Variants in TNFRSF13B observed in about 807,000 individuals in gnomAD.
TNFRSF13B encodes the protein TNF receptor superfamily member 13B.
Under a neutral mutation model 24.0 loss-of-function variants are expected in TNFRSF13B, and 34 were observed. That is an observed-to-expected ratio of 1.41 (90% confidence interval 1.08 to 1.88). The LOEUF (loss-of-function observed/expected upper bound fraction) is 1.88. Ranked by LOEUF, TNFRSF13B falls within the 40% of genes most tolerant of loss-of-function variation. The pLI is 0.00. For synonymous variants in TNFRSF13B, 173 were observed against 150.3 expected, an observed-to-expected ratio of 1.15 and a Z score of -1.10; for missense variants, 415 against 380.8, an observed-to-expected ratio of 1.09 and a Z score of -0.75.
chr17:16,941,580 C>T (rs974649021), intron 3 of TNFRSF13B: 49 of 987,364 alleles, frequency 5.0e-5, no homozygotes, highest in Non-Finnish European at 5.8e-5. Flanking sequence ...TTCATCTTCC[C>T]GCTCTGATGG....
chr17:16,968,343 G>T (rs79069210), intron 1 of TNFRSF13B, among the ~76,000 whole-genome samples: 2 of 152,258 alleles, frequency 1.3e-5, no homozygotes, highest in Non-Finnish European at 2.9e-5. Flanking sequence ...ATTAAGATAG[G>T]GTGGTACTGG....
chr17:16,967,750 T>TTAAAAAA (rs1567657162), intron 1 of TNFRSF13B, among the ~76,000 whole-genome samples: 262 of 19,358 alleles, frequency 0.014, 8 homozygotes, highest in African/African-American at 0.067. Flanking sequence ...AGACTCCGTC[T>TTAAAAAA]CAAAAAAAAA....
At chr17:16,939,871 C>T (rs1597656533) in intron 4 of TNFRSF13B, 74 bp from the exon 5 acceptor site, 14 of 1,496,114 alleles carry the variant, frequency 9.4e-6, no homozygotes, top group East Asian at 2.4e-5. Flanking sequence ...TGTGGGCAGC[C>T]GCACTCTCCC....
At position 16,941,715 on chromosome 17, in the gene TNFRSF13B, G is replaced by A. The variant is rs532377491; in HGVS notation, c.446-1204C>T. On this transcript the variant is annotated intron_variant, in intron 3 of 4. Transcript: ENST00000261652. Reference sequence around the variant, plus strand: ...TGCAGCAATGGCAACTGTCTAATTGGAGACAATTTTTATCACCAAACAGAA... The same window carrying A: ...TGCAGCAATGGCAACTGTCTAATTGAAGACAATTTTTATCACCAAACAGAA... Among the ~76,000 whole-genome samples the A allele has an allele frequency of 2.0e-5, 3 of 152,292 alleles. No homozygotes were observed. The East Asian group carries it at 5.8e-4, about 29-fold the overall frequency.
At chr17:16,944,393 G>T (rs1407281206) in intron 3 of TNFRSF13B, among the ~76,000 whole-genome samples, 1 of 152,160 alleles carries the variant, frequency 6.6e-6, no homozygotes, top group East Asian at 1.9e-4. Context: ...CCTCACAGCA[G>T]CTCTATGAAG....
At position 16,952,444 on chromosome 17, in the gene TNFRSF13B, A is replaced by C. The variant is rs763002365; in HGVS notation, c.199+2T>G. The C allele has an allele frequency of 6.2e-7, 1 of 1,614,058 alleles. No individual in the cohort carries two copies. Among genetic ancestry groups the C allele is most frequent in the South Asian group, 1.1e-5 (1 of 91,076 alleles). ...CCCCTCGGCTCAGGCCCCAGAACTC[A>C]CTGCAGAAGGCTGCACAGGTGCGCT... On this transcript the variant is annotated splice_donor_variant, in intron 2 of 4. Coordinates refer to ENST00000261652, the MANE Select transcript of TNFRSF13B (RefSeq NM_012452.3). LOFTEE classifies it high-confidence loss of function.
At chr17:16,956,808 C>A (rs975391444) in intron 1 of TNFRSF13B, among the ~76,000 whole-genome samples, 2 of 152,114 alleles carry the variant, frequency 1.3e-5, no homozygotes, top group Non-Finnish European at 2.9e-5. Flanking sequence ...CTGGAAAAGT[C>A]AAAAACTATG....
At chr17:16,945,429 G>A (rs971231301) in intron 3 of TNFRSF13B, among the ~76,000 whole-genome samples, 2 of 152,210 alleles carry the variant, frequency 1.3e-5, no homozygotes, top group Non-Finnish European at 2.9e-5. Context: ...GACAAACTTT[G>A]GAACCCCCAG....
intron 1 of TNFRSF13B, among the ~76,000 whole-genome samples, chr17:16,955,980 G>A (rs1405291741): frequency 6.6e-6 from 1 of 152,228 alleles, no homozygotes; most frequent in Non-Finnish European, 1.5e-5. Context: ...GGCTACCTGT[G>A]ACCACTGAGG....
chr17:16,964,197 T>A (rs1195036772), intron 1 of TNFRSF13B, among the ~76,000 whole-genome samples: 1 of 151,936 alleles, frequency 6.6e-6, no homozygotes, highest in Non-Finnish European at 1.5e-5. Flanking sequence ...TGGCTTTTGG[T>A]TTCTGTGAGC....
chr17:16,963,809 C>T (rs1232021468), intron 1 of TNFRSF13B, among the ~76,000 whole-genome samples: 1 of 152,188 alleles, frequency 6.6e-6, no homozygotes. Context: ...CTCGGCCTCC[C>T]AAAGTGCTGG....
At chr17:16,960,849 A>G (rs566663879) in intron 1 of TNFRSF13B, among the ~76,000 whole-genome samples, 42 of 152,340 alleles carry the variant, frequency 2.8e-4, no homozygotes, top group African/African-American at 1.0e-3. Flanking sequence ...TTCAAATCAT[A>G]TACCTAATAT....
intron 2 of TNFRSF13B, among the ~76,000 whole-genome samples, chr17:16,950,677 G>C (rs1400443075): frequency 6.6e-6 from 1 of 151,942 alleles, no homozygotes; most frequent in Non-Finnish European, 1.5e-5. Context: ...CCTGTTGCAG[G>C]TGGTGCTGTT....
At chr17:16,954,025 A>G (rs937835550) in intron 1 of TNFRSF13B, among the ~76,000 whole-genome samples, 4 of 152,184 alleles carry the variant, frequency 2.6e-5, no homozygotes, top group African/African-American at 9.7e-5. Flanking sequence ...TCGGCCTCCC[A>G]AAGTGCTGGG....
chr17:16,944,826 A>T (rs1297500914), intron 3 of TNFRSF13B, among the ~76,000 whole-genome samples: 1 of 152,108 alleles, frequency 6.6e-6, no homozygotes, highest in East Asian at 1.9e-4. Flanking sequence ...GGAGACAGGG[A>T]ACGGCAGAAT....
Position 16,950,158 on chromosome 17 carries a change from C to A in TNFRSF13B, c.200-1175G>T, listed in dbSNP as rs544502260. Among the ~76,000 whole-genome samples, 129 of 152,094 alleles carry A rather than the reference C, an allele frequency of 8.5e-4. 1 individual carries two copies. The highest frequency in any genetic ancestry group is 3.0e-3 in the African/African-American group (126 of 41,468). On this transcript the variant is annotated intron_variant, in intron 2 of 4. Coordinates refer to ENST00000261652, the MANE Select transcript of TNFRSF13B (RefSeq NM_012452.3). ...GTGGCTCACACATATATTTTAAGGA[C>A]ACATTTTGGAGACAGTGCAGGATAG... is the stretch of plus-strand genomic sequence containing the variant.
rs569139083 is a variant in TNFRSF13B at position 16,956,288 on chromosome 17, A to G, written c.62-3705T>C. Among the ~76,000 whole-genome samples, 10 of 152,366 alleles carry G rather than the reference A, an allele frequency of 6.6e-5. No individual in the cohort carries two copies. In the East Asian group the frequency reaches 1.3e-3, roughly 21 times the overall value. On this transcript the variant is annotated intron_variant, in intron 1 of 4. Coordinates refer to ENST00000261652, the MANE Select transcript of TNFRSF13B (RefSeq NM_012452.3). ...AACAGGCAAGTTTCAGCAATCCTTGAGGAGTGGTAAGGTTAGATTTCCAGT... is the reference window on the plus strand; with the variant it reads ...AACAGGCAAGTTTCAGCAATCCTTGGGGAGTGGTAAGGTTAGATTTCCAGT...
rs368300990 is a variant in TNFRSF13B at position 16,940,283 on chromosome 17, C to G, written c.631+43G>C. ...CGAGGGATGGCCCGAGGCTTGTCAC[C>G]CAAGCAGCGAGAAGGGCGAGGACCC... On this transcript the variant is annotated intron_variant, in intron 4 of 4. Transcript: ENST00000261652. 8 of 1,611,700 alleles carry G rather than the reference C, an allele frequency of 5.0e-6. No homozygotes were observed. The African/African-American group carries it at 1.1e-4, about 22-fold the overall frequency.
At chr17:16,959,252 G>A (rs2087645400) in intron 1 of TNFRSF13B, among the ~76,000 whole-genome samples, 1 of 151,550 alleles carries the variant, frequency 6.6e-6, no homozygotes, top group Non-Finnish European at 1.5e-5. Context: ...AAATGACAGG[G>A]GAAATTATAA....
Sources: gnomAD v4.1 joint callset for allele counts (sites outside exome capture counted in the v4.1 genomes callset) on GRCh38, gnomAD v4.1.1 for gene constraint, MANE v1.5 for transcripts, NCBI Gene and HGNC (gene_info 2026-07-23, HGNC 2026-07-21) for gene names.